Variants in SEC23A observed in about 807,000 individuals in gnomAD.
SEC23A encodes SEC23 homolog A, COPII component, also known as protein transport protein Sec23A.
SEC23A carries 56 observed loss-of-function variants against 103.7 expected under a neutral mutation model. The ratio of observed to expected loss-of-function variants is 0.54; its 90% CI spans 0.44 to 0.67. SEC23A has a LOEUF of 0.67. Among genes scored for constraint, SEC23A ranks in the 30% least tolerant of loss-of-function variants. The pLI is 0.00. For missense variants in SEC23A, 784 were observed against 936.4 expected (o/e 0.84, Z 2.12); for synonymous variants, 281 against 293.0 (o/e 0.96, Z 0.42).
chr14:39,096,142 G>A lies in SEC23A; in HGVS notation c.-21-3C>T. On this transcript the variant is annotated splice_region_variant and splice_polypyrimidine_tract_variant and intron_variant, in intron 1 of 19. Transcript: ENST00000307712. ...ATTGTGGAGTTTGATTCTTATTTCT[G>A]TATCAAAATTTTAAAATATTTTAAA... is the stretch of plus-strand genomic sequence containing the variant. The A allele has an allele frequency of 6.5e-7, 1 of 1,543,518 alleles. No homozygotes were observed. The highest frequency in any genetic ancestry group is 9.0e-7 in the Non-Finnish European group (1 of 1,115,944).
At chr14:39,034,284 T>C (rs1885393097) in intron 19 of SEC23A, among the ~76,000 whole-genome samples, 1 of 152,224 alleles carries the variant, frequency 6.6e-6, no homozygotes, top group African/African-American at 2.4e-5. Flanking sequence ...TATGTCTTAG[T>C]TTCCCCATGT....
At chr14:39,058,742 C>T (rs1345357333) in intron 13 of SEC23A, among the ~76,000 whole-genome samples, 1 of 152,140 alleles carries the variant, frequency 6.6e-6, no homozygotes, top group Non-Finnish European at 1.5e-5. Context: ...TAAAAGAAGA[C>T]ATTGGTAATT....
rs144560892 is a variant in SEC23A at position 39,098,067 on chromosome 14, C to T, written c.-21-1928G>A. On this transcript the variant is annotated intron_variant, in intron 1 of 19. Coordinates refer to ENST00000307712, the MANE Select transcript of SEC23A (RefSeq NM_006364.4). ...TTGCACCACTGCACTCCAGCCTGGG[C>T]GACAGAACAAGACTCCATCTCAAAA... 8.3e-3 allele frequency among the ~76,000 whole-genome samples: 1,248 copies of T among 150,334 alleles called. 17 individuals are homozygous for T. Among genetic ancestry groups the T allele is most frequent in the South Asian group, 0.014 (67 of 4,758 alleles).
intron 10 of SEC23A, among the ~76,000 whole-genome samples, chr14:39,065,455 C>A (rs975605048): frequency 6.6e-6 from 1 of 151,948 alleles, no homozygotes; most frequent in Non-Finnish European, 1.5e-5. Context: ...ACTTGAGATT[C>A]TTTTTCCTGA....
intron 7 of SEC23A, among the ~76,000 whole-genome samples, chr14:39,078,743 G>A (rs1384323311): frequency 1.3e-5 from 2 of 152,156 alleles, no homozygotes; most frequent in Non-Finnish European, 2.9e-5. Context: ...AAGCATGTCT[G>A]AAGGCTGAGC....
At chr14:39,079,155 G>A (rs1266773954) in intron 7 of SEC23A, among the ~76,000 whole-genome samples, 2 of 151,976 alleles carry the variant, frequency 1.3e-5, no homozygotes, top group African/African-American at 2.4e-5. Context: ...AGACTATTTT[G>A]AAACTAGAAT....
At chr14:39,055,424 T>C (rs1886209187) in intron 13 of SEC23A, 128 bp from the exon 14 acceptor site, 1 of 968,430 alleles carries the variant, frequency 1.0e-6, no homozygotes, top group Admixed American at 2.4e-5. Flanking sequence ...TTTTTTTTTT[T>C]TGAGACAGAG....
At chr14:39,079,443 G>A (rs1441381023) in intron 7 of SEC23A, among the ~76,000 whole-genome samples, 2 of 152,068 alleles carry the variant, frequency 1.3e-5, no homozygotes, top group Non-Finnish European at 2.9e-5. Flanking sequence ...AGTGGTTATT[G>A]GACAAAATAG....
At chr14:39,099,250 C>A (rs1354491208) in intron 1 of SEC23A, among the ~76,000 whole-genome samples, 3 of 151,172 alleles carry the variant, frequency 2.0e-5, no homozygotes, top group African/African-American at 7.3e-5. Flanking sequence ...CCTCTGCCTC[C>A]CGGGTTCAAG....
intron 7 of SEC23A, among the ~76,000 whole-genome samples, chr14:39,079,499 C>T (rs1379010152): frequency 1.3e-5 from 2 of 151,946 alleles, no homozygotes; most frequent in African/African-American, 2.4e-5. Context: ...AGAATGTAAA[C>T]GATATAAACT....
chr14:39,040,655 A>C (rs1315495374), intron 18 of SEC23A, 77 bp downstream of exon 18: 1 of 1,569,150 alleles, frequency 6.4e-7, no homozygotes, highest in East Asian at 2.2e-5. Context: ...CAATCTATTA[A>C]AATCAGAAGG....
intron 19 of SEC23A, among the ~76,000 whole-genome samples, chr14:39,037,464 A>G (rs955441149): frequency 5.6e-4 from 85 of 152,308 alleles, no homozygotes; most frequent in African/African-American, 1.9e-3. Context: ...CATATAGCAT[A>G]CCTACATTCA....
intron 7 of SEC23A, among the ~76,000 whole-genome samples, chr14:39,085,026 C>A (rs1054727114): frequency 2.0e-5 from 3 of 152,156 alleles, no homozygotes; most frequent in African/African-American, 7.2e-5. Context: ...GGGGGCTGGT[C>A]ACTGAAAAGA....
chr14:39,059,174 A>G (rs1057041701), intron 13 of SEC23A, among the ~76,000 whole-genome samples: 1 of 151,654 alleles, frequency 6.6e-6, no homozygotes, highest in Non-Finnish European at 1.5e-5. Context: ...CATTTTGTAC[A>G]TGAAAAATAG....
At chr14:39,095,199 G>A (rs1325103672) in intron 2 of SEC23A, among the ~76,000 whole-genome samples, 9 of 152,184 alleles carry the variant, frequency 5.9e-5, no homozygotes, top group East Asian at 1.9e-4. Context: ...TGGCTGGGGG[G>A]AGAGGGAATG....
intron 7 of SEC23A, 129 bp from the exon 8 acceptor site, chr14:39,076,222 T>C: frequency 1.2e-6 from 1 of 845,026 alleles, no homozygotes; most frequent in Non-Finnish European, 1.8e-6. Context: ...AATCAAATGT[T>C]TACAATGAAA....
intron 1 of SEC23A, among the ~76,000 whole-genome samples, chr14:39,102,626 C>T (rs1318891470): frequency 2.0e-5 from 3 of 152,196 alleles, no homozygotes; most frequent in Non-Finnish European, 4.4e-5. Flanking sequence ...ACTTCCAAGG[C>T]TGAATTACGG....
intron 17 of SEC23A, 149 bp from the exon 18 acceptor site, chr14:39,041,036 G>C (rs1017313064): frequency 2.7e-5 from 20 of 749,880 alleles, no homozygotes; most frequent in Non-Finnish European, 3.8e-5. Context: ...TACAATTTCA[G>C]TAGAGAAAAT....
intron 14 of SEC23A, among the ~76,000 whole-genome samples, chr14:39,049,989 C>G (rs1053794598): frequency 6.6e-6 from 1 of 151,850 alleles, no homozygotes; most frequent in Non-Finnish European, 1.5e-5. Flanking sequence ...AGGATGGTCT[C>G]GATCTCCTGA....
Sources: allele counts gnomAD v4.1 joint callset (sites outside exome capture counted in the v4.1 genomes callset), GRCh38; gene constraint gnomAD v4.1.1; transcripts MANE v1.5; gene names NCBI Gene and HGNC (gene_info 2026-07-23, HGNC 2026-07-21).